The following PDZD2 variants were observed in gnomAD, a reference collection of about 807,000 sequenced individuals.
The protein encoded by PDZD2 is PDZ domain containing 2.
In PDZD2, 90 loss-of-function variants were observed where a neutral mutation model predicts 220.7. That is an observed-to-expected ratio of 0.41 (90% CI 0.34 to 0.49). PDZD2 has a LOEUF of 0.49. Among genes scored for constraint, PDZD2 ranks in the 20% least tolerant of loss-of-function variants. PDZD2 has a pLI of 0.28. For missense variants in PDZD2, 3,174 were observed against 3,608.5 expected, an observed-to-expected ratio of 0.88 and a Z score of 3.08; for synonymous variants, 1,375 against 1,450.5, an observed-to-expected ratio of 0.95 and a Z score of 1.18.
intron 21 of PDZD2, among the ~76,000 whole-genome samples, chr5:32,094,237 ATCTT>A (rs1351016950): frequency 1.3e-5 from 2 of 152,330 alleles, no homozygotes; most frequent in African/African-American, 4.8e-5. Flanking sequence ...TACAAATAAA[ATCTT>A]TCAGTAAATC....
intron 1 of PDZD2, among the ~76,000 whole-genome samples, chr5:31,687,234 G>C (rs944455979): frequency 1.3e-5 from 2 of 152,110 alleles, no homozygotes; most frequent in Non-Finnish European, 2.9e-5. Context: ...GCAGAGAAAT[G>C]CAAGAGTGTA....
At chr5:32,093,565 T>C (rs1287348866) in intron 21 of PDZD2, among the ~76,000 whole-genome samples, 5 of 152,248 alleles carry the variant, frequency 3.3e-5, no homozygotes, top group Non-Finnish European at 5.9e-5. Flanking sequence ...CAACCTACTG[T>C]TGACCGGAAA....
At position 31,799,153 on chromosome 5, in the gene PDZD2, G is replaced by A. The variant is rs1754230741; in HGVS notation, c.-96G>A. Reference sequence around the variant, plus strand: ...CCTGAACATGAACACAGGCAAAGCTGATGATGGCCAGGGACCCCAGGGGAC... The same window carrying A: ...CCTGAACATGAACACAGGCAAAGCTAATGATGGCCAGGGACCCCAGGGGAC... On this transcript the variant is annotated 5_prime_UTR_variant, in exon 2 of 25. Transcript: ENST00000438447. The A allele has an allele frequency of 1.3e-6, 1 of 744,082 alleles. No individual in the cohort carries two copies. Among genetic ancestry groups the A allele is most frequent in the Admixed American group, 2.8e-5 (1 of 35,860 alleles). The allele number at this position is 744,082 out of a possible 1,614,324, so 46.1% of individuals were successfully genotyped here.
chr5:31,773,344 A>G (rs2150200126), intron 1 of PDZD2, among the ~76,000 whole-genome samples: 1 of 152,298 alleles, frequency 6.6e-6, no homozygotes, highest in Admixed American at 6.5e-5. Flanking sequence ...TGTATTCAAT[A>G]TAGTCTAGTG....
intron 2 of PDZD2, among the ~76,000 whole-genome samples, chr5:31,978,888 CTTAT>C (rs1005289258): frequency 6.6e-6 from 1 of 151,996 alleles, no homozygotes; most frequent in African/African-American, 2.4e-5. Flanking sequence ...GTGACAGGGT[CTTAT>C]TTATTGCCAG....
At chr5:31,990,667 T>C (rs1463593321) in intron 3 of PDZD2, among the ~76,000 whole-genome samples, 1 of 152,254 alleles carries the variant, frequency 6.6e-6, no homozygotes, top group African/African-American at 2.4e-5. Context: ...CATTCAGTGC[T>C]ATTTATGGGA....
At chr5:31,654,455 G>A (rs985841658) in intron 1 of PDZD2, among the ~76,000 whole-genome samples, 1 of 151,978 alleles carries the variant, frequency 6.6e-6, no homozygotes, top group East Asian at 1.9e-4. Flanking sequence ...TCCTGTCTGC[G>A]ATGTCTGTCA....
At position 31,886,087 on chromosome 5, in the gene PDZD2, C is replaced by T. The variant is rs1288410694; in HGVS notation, c.476+86363C>T. 2.0e-5 allele frequency among the ~76,000 whole-genome samples: 3 copies of T among 152,110 alleles called. 1 individual carries two copies. The South Asian group carries it at 6.3e-4, about 32-fold the overall frequency. On this transcript the variant is annotated intron_variant, in intron 2 of 24. Transcript: ENST00000438447. ...GCTAATTTTGTATTTTTAGTAGAGACAGGGTTTCACCATGTTGGCCAGGCT... is the reference window on the plus strand; with the variant it reads ...GCTAATTTTGTATTTTTAGTAGAGATAGGGTTTCACCATGTTGGCCAGGCT...
chr5:31,922,404 A>T (rs1327017017), intron 2 of PDZD2, among the ~76,000 whole-genome samples: 1 of 151,932 alleles, frequency 6.6e-6, no homozygotes, highest in African/African-American at 2.4e-5. Context: ...TTATATGTAT[A>T]TTTTTTTTAT....
At chr5:32,050,793 C>G (rs963798507) in intron 8 of PDZD2, among the ~76,000 whole-genome samples, 1 of 152,130 alleles carries the variant, frequency 6.6e-6, no homozygotes, top group Admixed American at 6.5e-5. Context: ...TGAATTCCAG[C>G]CTAGGTGATA....
chr5:32,070,135 A>T (rs961142478), intron 15 of PDZD2, among the ~76,000 whole-genome samples: 3 of 152,186 alleles, frequency 2.0e-5, no homozygotes, highest in Non-Finnish European at 4.4e-5. Context: ...TAGGAATTTC[A>T]TATGAATTTA....
intron 2 of PDZD2, among the ~76,000 whole-genome samples, chr5:31,799,966 A>G (rs911536600): frequency 2.0e-5 from 3 of 152,162 alleles, no homozygotes; most frequent in Non-Finnish European, 4.4e-5. Context: ...AGCAACCGTG[A>G]GGCTCCCAGA....
Position 32,069,552 on chromosome 5 carries a change from T to C in PDZD2, c.2452-17T>C, listed in dbSNP as rs775926105. On this transcript the variant is annotated splice_polypyrimidine_tract_variant and intron_variant, in intron 14 of 24. Transcript: ENST00000438447. ...ATAAATAAAACCATCTAATCTTTGC[T>C]TTCTGCTGAAAATCAGGTTTCCGAG... The C allele has an allele frequency of 2.8e-6, 4 of 1,446,134 alleles. No individual in the cohort carries two copies. In the South Asian group the frequency reaches 4.6e-5, roughly 17 times the overall value. The allele number at this position is 1,446,134 out of a possible 1,614,324, so 89.6% of individuals were successfully genotyped here.
At chr5:31,689,353 A>ATATATATATTTTTTTTTTTCTTTCTTT in intron 1 of PDZD2, among the ~76,000 whole-genome samples, 2 of 35,138 alleles carry the variant, frequency 5.7e-5, no homozygotes, top group Non-Finnish European at 8.4e-5. Flanking sequence ...ATATATATAT[A>ATATATATATTTTTTTTTTTCTTTCTTT]TTTTTTTTTT....
At position 31,881,354 on chromosome 5, in the gene PDZD2, GT is replaced by G. The variant is rs1278845588; in HGVS notation, c.476+81631del. Among the ~76,000 whole-genome samples the G allele has an allele frequency of 1.8e-4, 25 of 139,328 alleles. 1 individual carries two copies. The highest frequency in any genetic ancestry group is 7.4e-4 in the African/African-American group (25 of 33,638). The allele number at this position is 139,328 out of a possible 152,430, so 91.4% of individuals were successfully genotyped here. On this transcript the variant is annotated intron_variant, in intron 2 of 24. Coordinates refer to ENST00000438447, the MANE Select transcript of PDZD2 (RefSeq NM_178140.4). Reference sequence around the variant, plus strand: ...TGTGTGTGTGTGTGTGTGTGTGTGTGTGTGTGTGTGTGTGTATATATTTTTT... The same window carrying G: ...TGTGTGTGTGTGTGTGTGTGTGTGTGGTGTGTGTGTGTGTATATATTTTTT...
At chr5:31,806,511 G>A (rs1216041974) in intron 2 of PDZD2, among the ~76,000 whole-genome samples, 1 of 152,108 alleles carries the variant, frequency 6.6e-6, no homozygotes, top group Admixed American at 6.6e-5. Flanking sequence ...CTTTGTCCTG[G>A]TGGGAACTTC....
rs1561552808 is a variant in PDZD2 at position 31,898,665 on chromosome 5, T to TC, written c.477-84490_477-84489insC. On this transcript the variant is annotated intron_variant, in intron 2 of 24. Coordinates refer to ENST00000438447, the MANE Select transcript of PDZD2 (RefSeq NM_178140.4). ...ATGCTTGCACATAGTGTGTGGATGC[T>TC]GAGAGCTTCCTGAGCCAACCCTTTT... Among the ~76,000 whole-genome samples the TC allele has an allele frequency of 5.9e-5, 9 of 152,260 alleles. No homozygotes were observed. The East Asian group carries it at 1.5e-3, about 26-fold the overall frequency.
chr5:32,077,827 C>T (rs1163158139), intron 19 of PDZD2: 4 of 439,948 alleles, frequency 9.1e-6, no homozygotes, highest in African/African-American at 2.0e-5. Context: ...CGTGGTGGTG[C>T]GCACCTTTAA....
At chr5:31,951,521 A>G (rs1386242718) in intron 2 of PDZD2, among the ~76,000 whole-genome samples, 1 of 152,240 alleles carries the variant, frequency 6.6e-6, no homozygotes, top group Admixed American at 6.5e-5. Flanking sequence ...TTGAGTCCAC[A>G]GCAGAATCAT....
Sources: gnomAD v4.1 joint callset for allele counts (sites outside exome capture counted in the v4.1 genomes callset) on GRCh38, gnomAD v4.1.1 for gene constraint, MANE v1.5 for transcripts, NCBI Gene and HGNC (gene_info 2026-07-23, HGNC 2026-07-21) for gene names.